Variants in STX3 observed in about 807,000 individuals in gnomAD.
The protein encoded by STX3 is syntaxin 3.
A neutral mutation model predicts 40.2 loss-of-function variants in STX3; 19 were observed. The observed-to-expected ratio is 0.47, with a 90% CI of 0.33 to 0.69. The LOEUF (loss-of-function observed/expected upper bound fraction) is 0.69, where lower values mean the gene tolerates loss of function less well. Among genes scored for constraint, STX3 ranks in the 30% least tolerant of loss-of-function variants. The pLI is 0.02. For missense variants in STX3, 364 were observed against 366.7 expected, an observed-to-expected ratio of 0.99 and a Z score of 0.06; for synonymous variants, 122 against 132.2, an observed-to-expected ratio of 0.92 and a Z score of 0.53.
At chr11:59,793,569 A>G in intron 8 of STX3, 55 bp downstream of exon 8, 4 of 1,575,730 alleles carry the variant, frequency 2.5e-6, no homozygotes, top group Middle Eastern at 1.9e-4. Context: ...CTCAGGGTCT[A>G]CTGAGAACAG....
upstream of STX3, chr11:59,754,935 CCAG>C (rs1199078240): frequency 6.6e-6 from 1 of 152,348 alleles, no homozygotes; most frequent in East Asian, 1.9e-4. Flanking sequence ...ACTTTCACTG[CCAG>C]CAGCCCTGAG....
At chr11:59,781,469 C>T in intron 2 of STX3, 1 of 1,613,662 alleles carries the variant, frequency 6.2e-7, no homozygotes, top group Non-Finnish European at 8.5e-7. Flanking sequence ...TGCAGACAGT[C>T]TGAGTTTTTC....
chr11:59,781,195 A>T, intron 2 of STX3: 1 of 709,026 alleles, frequency 1.4e-6, no homozygotes, highest in Non-Finnish European at 2.4e-6. Context: ...TGTTTATGAT[A>T]AAGATAATTG....
intron 1 of STX3, among the ~76,000 whole-genome samples, chr11:59,765,596 G>A (rs750509821): frequency 6.6e-6 from 1 of 152,126 alleles, no homozygotes; most frequent in Non-Finnish European, 1.5e-5. Context: ...ACAAGGTCAG[G>A]AGTCCAAGAC....
rs112429704 is a variant in STX3 at position 59,775,868 on chromosome 11, TATATTTA to T, written c.114+2575_114+2581del. On this transcript the variant is annotated intron_variant, in intron 2 of 10. Transcript: ENST00000337979. ...ATTTAGGGAAAAACCCCGTGAAACT[TATATTTA>T]GAGTGGAGAAGAGGGACAGCATGGG... is the stretch of plus-strand genomic sequence containing the variant. Among the ~76,000 whole-genome samples the T allele has an allele frequency of 5.1e-3, 774 of 152,316 alleles. 5 individuals are homozygous for T. Among genetic ancestry groups the T allele is most frequent in the African/African-American group, 7.3e-3 (303 of 41,570 alleles).
At chr11:59,766,056 C>T (rs906835501) in intron 1 of STX3, among the ~76,000 whole-genome samples, 1 of 152,176 alleles carries the variant, frequency 6.6e-6, no homozygotes, top group Non-Finnish European at 1.5e-5. Context: ...ATACCCTTTC[C>T]CCTCTGTTAT....
rs1436969818 is a variant in STX3, at chr11:59,802,983, T to A, written c.*2159T>A. ...ATGGGGGAGATCTGTCACGATGTTA[T>A]CTAGAAGGTGGAATGACCATACCAA... is the stretch of plus-strand genomic sequence containing the variant. On this transcript the variant is annotated 3_prime_UTR_variant, in exon 11 of 11. Transcript: ENST00000337979. 8.1e-6 allele frequency: 8 copies of A among 985,292 alleles called. No homozygotes were observed. Among genetic ancestry groups the A allele is most frequent in the Non-Finnish European group, 9.6e-6 (8 of 829,932 alleles). The allele number at this position is 985,292 out of a possible 1,614,324, so 61.0% of individuals were successfully genotyped here.
intron 2 of STX3, chr11:59,781,522 A>G (rs994830300): frequency 1.9e-6 from 3 of 1,613,824 alleles, no homozygotes; most frequent in African/African-American, 2.7e-5. Context: ...CCCAGGGTAC[A>G]AGAAAACTGT....
intron 3 of STX3, among the ~76,000 whole-genome samples, chr11:59,787,558 A>G (rs1864855933): frequency 6.6e-6 from 1 of 152,162 alleles, no homozygotes; most frequent in South Asian, 2.1e-4. Context: ...AAATGGTTCG[A>G]GTTCACAGAA....
chr11:59,777,796 CTGTT>C (rs770494046), intron 2 of STX3, among the ~76,000 whole-genome samples: 5 of 152,180 alleles, frequency 3.3e-5, no homozygotes, highest in Non-Finnish European at 5.9e-5. Flanking sequence ...TATAAAACAA[CTGTT>C]TGTTTTGCTG....
intron 1 of STX3, among the ~76,000 whole-genome samples, chr11:59,759,601 C>T (rs576076572): frequency 3.9e-5 from 6 of 152,254 alleles, no homozygotes; most frequent in South Asian, 2.1e-4. Context: ...CCCTTGGAGA[C>T]GGATCTGTAG....
intron 1 of STX3, among the ~76,000 whole-genome samples, chr11:59,758,150 G>T (rs924062290): frequency 2.6e-5 from 4 of 152,170 alleles, no homozygotes; most frequent in African/African-American, 9.7e-5. Flanking sequence ...AACATGTGGG[G>T]TTGATGGGTA....
chr11:59,793,256 G>T (rs1033793316), intron 7 of STX3, 84 bp downstream of exon 7: 1 of 1,606,198 alleles, frequency 6.2e-7, no homozygotes, highest in Non-Finnish European at 8.5e-7. Flanking sequence ...AGCAGGTGGA[G>T]GGGGAGCTGC....
rs537062752 is a variant in STX3 at position 59,788,787 on chromosome 11, C to T, written c.215-86C>T. On this transcript the variant is annotated intron_variant, in intron 3 of 10. Coordinates refer to ENST00000337979, the MANE Select transcript of STX3 (RefSeq NM_004177.5). ...TGGGCAGTGGATGCCCGATAAAGCTCCCCTCCTCTGATGATGATTGCTGTA... is the reference window on the plus strand; with the variant it reads ...TGGGCAGTGGATGCCCGATAAAGCTTCCCTCCTCTGATGATGATTGCTGTA... 250 of 1,152,794 alleles carry T rather than the reference C, an allele frequency of 2.2e-4. 3 individuals carry two copies. In the South Asian group the frequency reaches 3.3e-3, roughly 15 times the overall value. 71.4% of individuals were successfully genotyped at this position (1,152,794 alleles called of 1,614,324 possible). A position where few individuals can be genotyped will look rare whatever the true frequency, so the allele number is the denominator to read the frequency against.
chr11:59,781,848 G>T (rs1474957565), intron 2 of STX3: 1 of 919,248 alleles, frequency 1.1e-6, no homozygotes, highest in African/African-American at 1.7e-5. Flanking sequence ...GTCATTTTTT[G>T]GGGAAAGTGA....
At position 59,790,531 on chromosome 11, in the gene STX3, A is replaced by G. The variant is rs1416977412; in HGVS notation, c.302A>G (p.His101Arg). 1.9e-6 allele frequency: 3 copies of G among 1,613,914 alleles called. No homozygotes were observed. The highest frequency in any genetic ancestry group is 1.6e-4 in the Middle Eastern group (1 of 6,062). The change falls in exon 5 of 11, where the codon CAT becomes CGT. Residue 101 changes from histidine to arginine, a missense_variant. Coordinates refer to ENST00000337979, the MANE Select transcript of STX3 (RefSeq NM_004177.5). Reference sequence around the variant, plus strand: ...CTCTCCTCTTTAGGCATGGAGAAGCATATTGAAGAAGATGAGGTCAGGTCA... The same window carrying G: ...CTCTCCTCTTTAGGCATGGAGAAGCGTATTGAAGAAGATGAGGTCAGGTCA... ...VRNKLKSMEK[H>R]IEEDEVRSSA...
rs139663529 is a variant in STX3 at position 59,777,278 on chromosome 11, A to G, written c.114+3984A>G. Among the ~76,000 whole-genome samples the G allele has an allele frequency of 3.0e-3, 454 of 152,322 alleles. 1 individual carries two copies. Among genetic ancestry groups the G allele is most frequent in the Admixed American group, 5.8e-3 (88 of 15,298 alleles). On this transcript the variant is annotated intron_variant, in intron 2 of 10. Transcript: ENST00000337979. ...GAATCACCTGGGGAGTTTTTTGCAC[A>G]TACACATACCTGATTCTTAGGGACT...
In STX3 at chr11:59,795,423, G is replaced by A. The variant is rs751667595; in HGVS notation, c.727G>A (p.Val243Met). 1.1e-5 allele frequency: 18 copies of A among 1,613,718 alleles called. No homozygotes were observed. Among genetic ancestry groups the A allele is most frequent in the South Asian group, 6.6e-5 (6 of 90,854 alleles). Residue 243 changes from valine (V) to methionine (M), a missense_variant, in exon 9 of 11, where the codon GTG becomes ATG. Coordinates refer to ENST00000337979, the MANE Select transcript of STX3 (RefSeq NM_004177.5). ...ELNVMHTVDHVEKARDETKKA... is the reference protein window; with the variant it reads ...ELNVMHTVDHMEKARDETKKA... ...GAATGTCATGCACACAGTGGACCAC[G>A]TGGAGAAGGCACGAGATGAAACGAA...
intron 1 of STX3, among the ~76,000 whole-genome samples, chr11:59,770,331 A>G (rs561921896): frequency 2.5e-4 from 28 of 111,804 alleles, no homozygotes; most frequent in African/African-American, 8.3e-4. Context: ...GTGTGTGTAT[A>G]TGGGGTGTGG....
Sources: gnomAD v4.1 joint callset for allele counts (sites outside exome capture counted in the v4.1 genomes callset) on GRCh38, gnomAD v4.1.1 for gene constraint, MANE v1.5 for transcripts, NCBI Gene and HGNC (gene_info 2026-07-23, HGNC 2026-07-21) for gene names.